Variants in ITPK1 observed in about 807,000 individuals in gnomAD.
ITPK1 encodes the protein inositol-tetrakisphosphate 1-kinase, also known as inositol 1,3,4-trisphosphate 5/6-kinase.
ITPK1 carries 21 observed loss-of-function variants against 45.3 expected under a neutral mutation model. The observed-to-expected ratio is 0.46, with a 90% CI of 0.33 to 0.67. ITPK1 has a LOEUF of 0.67. Among genes scored for constraint, ITPK1 ranks in the 30% least tolerant of loss-of-function variants. The probability of loss-of-function intolerance (pLI) is 0.02; values close to 1 mark genes in which losing one functional copy is unlikely to be tolerated. For synonymous variants in ITPK1, 258 were observed against 253.6 expected (o/e 1.02, Z -0.16); for missense variants, 474 against 573.5 (o/e 0.83, Z 1.77).
At chr14:93,104,910 A>G (rs1394901044) in intron 2 of ITPK1, among the ~76,000 whole-genome samples, 2 of 152,204 alleles carry the variant, frequency 1.3e-5, no homozygotes, top group Non-Finnish European at 2.9e-5. Flanking sequence ...TGAGGAGTCC[A>G]TGGGTTTGCA....
intron 3 of ITPK1, chr14:93,070,817 G>A (rs932539706): frequency 6.5e-6 from 1 of 153,552 alleles, no homozygotes; most frequent in African/African-American, 2.4e-5. Flanking sequence ...GCAAGTGTCG[G>A]GGAAACTGCT....
chr14:93,083,951 C>T (rs1321227918), intron 2 of ITPK1, among the ~76,000 whole-genome samples: 1 of 152,164 alleles, frequency 6.6e-6, no homozygotes, highest in Non-Finnish European at 1.5e-5. Context: ...TGGTGAACAT[C>T]AATGGTGGCC....
chr14:92,987,396 G>A (rs1317562092), intron 5 of ITPK1, among the ~76,000 whole-genome samples: 2 of 152,176 alleles, frequency 1.3e-5, no homozygotes, highest in Non-Finnish European at 2.9e-5. Flanking sequence ...TGCCTCAACT[G>A]AGAGCCCGGC....
At position 93,016,995 on chromosome 14, in the gene ITPK1, C is replaced by T. The variant is rs975726778; in HGVS notation, c.121-194G>A. On this transcript the variant is annotated intron_variant, in intron 3 of 10. Coordinates refer to ENST00000267615, the MANE Select transcript of ITPK1 (RefSeq NM_014216.6). The surrounding 1 kb of genome is among the most constrained non-coding windows in gnomAD (Gnocchi z 5.0). ...GCAGGACAAACCCTCCAAGACCCCA[C>T]AACTCTTCTCTCCTGCTAACTCCTC... Among the ~76,000 whole-genome samples the T allele has an allele frequency of 9.9e-5, 15 of 152,138 alleles. No individual in the cohort carries two copies. Among genetic ancestry groups the T allele is most frequent in the African/African-American group, 3.6e-4 (15 of 41,406 alleles).
At chr14:92,941,990 G>C in intron 10 of ITPK1, 86 bp from the exon 11 acceptor site, 1 of 1,188,098 alleles carries the variant, frequency 8.4e-7, no homozygotes, top group East Asian at 2.5e-5. Flanking sequence ...AGAACCGATG[G>C]GCTCCTGGGA....
intron 4 of ITPK1, among the ~76,000 whole-genome samples, chr14:93,005,963 T>C (rs1887591834): frequency 6.6e-6 from 1 of 152,132 alleles, no homozygotes; most frequent in East Asian, 1.9e-4. Context: ...GTACAGGGGC[T>C]GTGCAGCGAG....
intron 2 of ITPK1, among the ~76,000 whole-genome samples, chr14:93,087,180 G>A (rs11845836): frequency 0.011 from 1,604 of 152,346 alleles, 24 homozygotes; most frequent in African/African-American, 0.034. Flanking sequence ...GGGAGAAATC[G>A]ATTCCTCCGC....
chr14:93,033,206 C>G (rs1253147943), intron 3 of ITPK1, among the ~76,000 whole-genome samples: 1 of 152,236 alleles, frequency 6.6e-6, no homozygotes, highest in African/African-American at 2.4e-5. Flanking sequence ...AAGGTCATCT[C>G]AGCCAGGCCT....
chr14:92,995,896 C>CAG (rs1426638857), intron 4 of ITPK1, among the ~76,000 whole-genome samples: 1 of 152,234 alleles, frequency 6.6e-6, no homozygotes, highest in African/African-American at 2.4e-5. Flanking sequence ...CTGACAGTCT[C>CAG]AGCCTCACCC....
chr14:92,966,541 T>C (rs1272674976), intron 5 of ITPK1, among the ~76,000 whole-genome samples: 1 of 152,196 alleles, frequency 6.6e-6, no homozygotes, highest in Non-Finnish European at 1.5e-5. Context: ...ATAGACTCAA[T>C]ATGATAGCCA....
intron 2 of ITPK1, among the ~76,000 whole-genome samples, chr14:93,113,994 G>A (rs929263193): frequency 2.4e-4 from 36 of 152,252 alleles, no homozygotes; most frequent in African/African-American, 8.4e-4. Context: ...GCCCCCAGGA[G>A]CACCAGGGGT....
Position 93,022,202 on chromosome 14 carries a change from G to A in ITPK1, c.121-5401C>T, listed in dbSNP as rs140167671. Among the ~76,000 whole-genome samples the A allele has an allele frequency of 1.2e-3, 188 of 152,296 alleles. 1 individual carries two copies. Among genetic ancestry groups the A allele is most frequent in the African/African-American group, 4.3e-3 (178 of 41,574 alleles). ...TGCTGGAAGGCCAGGTCCAAGAGCA[G>A]GCAAAGGATAAGCACACCCACTCCC... is the stretch of plus-strand genomic sequence containing the variant. On this transcript the variant is annotated intron_variant, in intron 3 of 10. Coordinates refer to ENST00000267615, the MANE Select transcript of ITPK1 (RefSeq NM_014216.6).
rs541393318 is a variant in ITPK1 at position 93,064,416 on chromosome 14, T to C, written c.120+12179A>G. On this transcript the variant is annotated intron_variant, in intron 3 of 10. Coordinates refer to ENST00000267615, the MANE Select transcript of ITPK1 (RefSeq NM_014216.6). The stretch of plus-strand genomic sequence containing the variant: ...TTGGGATTACAGACACAGGCCATCA[T>C]GCCTGGCTGCTGGTGGCCTTCCTGC... Among the ~76,000 whole-genome samples, 8 of 152,306 alleles carry C rather than the reference T, an allele frequency of 5.3e-5. No homozygotes were observed. In the South Asian group the frequency reaches 1.5e-3, roughly 28 times the overall value.
chr14:92,981,708 CCT>C (rs1174231874), intron 5 of ITPK1, among the ~76,000 whole-genome samples: 6 of 152,346 alleles, frequency 3.9e-5, no homozygotes, highest in African/African-American at 1.4e-4. Flanking sequence ...CACACTCGCC[CCT>C]GTCCTCAAGG....
rs1039409955 is a variant in ITPK1, at chr14:93,016,462, A to G, written c.246+214T>C. Among the ~76,000 whole-genome samples, 2 of 152,130 alleles carry G rather than the reference A, an allele frequency of 1.3e-5. No homozygotes were observed. The highest frequency in any genetic ancestry group is 4.8e-5 in the African/African-American group (2 of 41,410). On this transcript the variant is annotated intron_variant, in intron 4 of 10. Transcript: ENST00000267615. This position sits in a 1 kb window ranked among gnomAD's most constrained non-coding sequence, Gnocchi z 5.0. ...GCCAGGGGGTGGAGACGGCCCAACC[A>G]TGCCCTGGTTCAGTCCCCACGCTAC...
At chr14:92,977,630 G>A (rs754715742) in intron 5 of ITPK1, among the ~76,000 whole-genome samples, 7 of 149,684 alleles carry the variant, frequency 4.7e-5, no homozygotes, top group South Asian at 2.1e-4. Flanking sequence ...GAGTTCTCTC[G>A]AGATCTGGTT....
intron 9 of ITPK1, among the ~76,000 whole-genome samples, chr14:92,949,378 G>A (rs557681094): frequency 9.8e-4 from 149 of 152,334 alleles, no homozygotes; most frequent in African/African-American, 3.4e-3. Context: ...GGGATTAAAG[G>A]TATGAGCCAC....
intron 3 of ITPK1, among the ~76,000 whole-genome samples, chr14:93,044,703 C>A (rs1031210861): frequency 2.6e-5 from 4 of 152,150 alleles, no homozygotes; most frequent in Admixed American, 6.5e-5. Context: ...AGTGGCCCAG[C>A]GGACAGCAAC....
chr14:93,108,474 G>A (rs974795863), intron 2 of ITPK1, among the ~76,000 whole-genome samples: 6 of 152,194 alleles, frequency 3.9e-5, no homozygotes, highest in Non-Finnish European at 7.3e-5. Flanking sequence ...TGGCCCAGTG[G>A]TTAGAAACAT....
Sources: gnomAD v4.1 joint callset for allele counts (sites outside exome capture counted in the v4.1 genomes callset) on GRCh38, gnomAD v4.1.1 for gene constraint, Gnocchi (gnomAD v3.1) non-coding constraint, MANE v1.5 for transcripts, NCBI Gene and HGNC (gene_info 2026-07-23, HGNC 2026-07-21) for gene names.